Variants in RAB37 observed in about 807,000 individuals in gnomAD.
RAB37 encodes RAB37, member RAS oncogene family.
A neutral mutation model predicts 33.1 loss-of-function variants in RAB37; 29 were observed. The observed-to-expected ratio is 0.88, with a 90% CI of 0.65 to 1.20. The LOEUF (loss-of-function observed/expected upper bound fraction) is 1.20. Among genes scored for constraint, RAB37 ranks in the 50% most tolerant of loss-of-function variants. The pLI, the probability that RAB37 is intolerant of heterozygous loss-of-function variation, is 0.00. For synonymous variants in RAB37, 128 were observed against 119.5 expected (o/e 1.07, Z -0.47); for missense variants, 299 against 301.1 (o/e 0.99, Z 0.05).
At chr17:74,680,775 G>A (rs2031938983) in intron 1 of RAB37, among the ~76,000 whole-genome samples, 1 of 152,172 alleles carries the variant, frequency 6.6e-6, no homozygotes, top group Admixed American at 6.5e-5. Flanking sequence ...ACCTGGTTAT[G>A]GGGAGGGAAA....
At position 74,745,211 on chromosome 17, in the gene RAB37, T is replaced by C; in HGVS notation, c.567-95T>C. On this transcript the variant is annotated intron_variant, in intron 8 of 8. Coordinates refer to ENST00000392613, the MANE Select transcript of RAB37 (RefSeq NM_001006638.3). This position sits in a 1 kb window ranked among gnomAD's most constrained non-coding sequence, Gnocchi z 4.5. Reference sequence around the variant, plus strand: ...TCTGCAGGCTGAGGTCCATTTGCTCTGGGAGCACTGGGCCACTGGGAGAGG... The same window carrying C: ...TCTGCAGGCTGAGGTCCATTTGCTCCGGGAGCACTGGGCCACTGGGAGAGG... 2 of 1,525,842 alleles carry C rather than the reference T, an allele frequency of 1.3e-6. No individual in the cohort carries two copies. Among genetic ancestry groups the C allele is most frequent in the South Asian group, 2.2e-5 (2 of 89,252 alleles). The allele number at this position is 1,525,842 out of a possible 1,614,324, so 94.5% of individuals were successfully genotyped here. A position where few individuals can be genotyped will look rare whatever the true frequency, so the allele number is the denominator to read the frequency against.
intron 1 of RAB37, chr17:74,713,103 A>G (rs1303122885): frequency 4.0e-6 from 2 of 501,262 alleles, no homozygotes; most frequent in East Asian, 3.8e-5. Context: ...TCAGGAGTTC[A>G]AGATCAGCCT....
upstream of RAB37, among the ~76,000 whole-genome samples, chr17:74,734,749 A>C (rs2034440199): frequency 6.6e-6 from 1 of 151,868 alleles, no homozygotes; most frequent in African/African-American, 2.4e-5. Context: ...AGGCTGAGGC[A>C]GGAGGAGAAT....
chr17:74,732,073 G>A (rs978151662), intron 2 of RAB37, among the ~76,000 whole-genome samples: 9 of 151,394 alleles, frequency 5.9e-5, no homozygotes, highest in South Asian at 2.1e-4. Context: ...GAACATTCAC[G>A]GTTCACTATT....
rs1008836556 is a variant in RAB37 at position 74,729,176 on chromosome 17, C to T, written c.73-80C>T. 2 of 935,854 alleles carry T rather than the reference C, an allele frequency of 2.1e-6. No homozygotes were observed. Among genetic ancestry groups the T allele is most frequent in the East Asian group, 2.4e-5 (1 of 41,442 alleles). The allele number at this position is 935,854 out of a possible 1,614,324, so 58.0% of individuals were successfully genotyped here. On this transcript the variant is annotated intron_variant, in intron 1 of 7. Transcript: ENST00000340415. The surrounding 1 kb of genome is among the most constrained non-coding windows in gnomAD (Gnocchi z 4.2). The stretch of plus-strand genomic sequence containing the variant: ...TGCACATGCGTGCTTAGAAAGAATC[C>T]ACTCCCACAGCCACAAGGACACCTC...
At chr17:74,705,285 G>C in intron 1 of RAB37, 1 of 699,222 alleles carries the variant, frequency 1.4e-6, no homozygotes, top group Non-Finnish European at 2.6e-6. Flanking sequence ...TGTCCTGGTG[G>C]TCCTAATGAT....
chr17:74,737,365 G>A lies in RAB37; in HGVS notation c.93G>A (p.Lys31=). The change falls in exon 1 of 9, where the codon AAG becomes AAA. Residue 31 remains lysine (K), a splice_region_variant and synonymous_variant. Coordinates refer to ENST00000392613, the MANE Select transcript of RAB37 (RefSeq NM_001006638.3). ...PCSPSYDLTG[K]VMLLGDTGVG... ...GTCCGAGCTACGACCTCACGGGCAA[G>A]GTGGGTGGGCCTCTTCCGTGAGACC... The A allele has an allele frequency of 1.3e-6, 2 of 1,566,290 alleles. No individual in the cohort carries two copies. The highest frequency in any genetic ancestry group is 1.7e-6 in the Non-Finnish European group (2 of 1,163,080).
In RAB37 at chr17:74,745,098, A is replaced by G. The variant is rs762498354; in HGVS notation, c.566+14A>G. 3.1e-6 allele frequency: 5 copies of G among 1,613,662 alleles called. No individual in the cohort carries two copies. The East Asian group carries it at 1.1e-4, about 36-fold the overall frequency. On this transcript the variant is annotated intron_variant, in intron 8 of 8. Coordinates refer to ENST00000392613, the MANE Select transcript of RAB37 (RefSeq NM_001006638.3). This position sits in a 1 kb window ranked among gnomAD's most constrained non-coding sequence, Gnocchi z 4.5. The stretch of plus-strand genomic sequence containing the variant: ...GGCCATCGCCAAGTGAGAGCTGGGC[A>G]GGGAAGGGAAGTGTGCGGGGCAGGG...
intron 2 of RAB37, among the ~76,000 whole-genome samples, chr17:74,731,409 G>A (rs973936843): frequency 6.6e-6 from 1 of 152,188 alleles, no homozygotes; most frequent in African/African-American, 2.4e-5. Flanking sequence ...AGGTGAGCAG[G>A]GTGACTACCT....
Position 74,745,193 on chromosome 17 carries a change from G to A in RAB37, c.566+109G>A. ...CCCTGGACACACCTGCATTCTGCAG[G>A]CTGAGGTCCATTTGCTCTGGGAGCA... is the stretch of plus-strand genomic sequence containing the variant. On this transcript the variant is annotated intron_variant, in intron 8 of 8. Coordinates refer to ENST00000392613, the MANE Select transcript of RAB37 (RefSeq NM_001006638.3). This position sits in a 1 kb window ranked among gnomAD's most constrained non-coding sequence, Gnocchi z 4.5. The A allele has an allele frequency of 6.5e-7, 1 of 1,537,382 alleles. No individual in the cohort carries two copies. The highest frequency in any genetic ancestry group is 1.7e-5 in the Admixed American group (1 of 59,330).
intron 1 of RAB37, among the ~76,000 whole-genome samples, chr17:74,673,404 T>C (rs1387127222): frequency 1.5e-5 from 1 of 66,960 alleles, no homozygotes; most frequent in Non-Finnish European, 3.7e-5. Flanking sequence ...CAAGACCTTG[T>C]CTCAAAAAAA....
At chr17:74,705,197 G>T (rs1430281716) in intron 1 of RAB37, 1 of 701,666 alleles carries the variant, frequency 1.4e-6, no homozygotes, top group East Asian at 2.7e-5. Flanking sequence ...TTTCCACAGG[G>T]TCTTACCTTG....
At chr17:74,737,192 G>A, upstream of RAB37, 1 of 1,525,168 alleles carries the variant, frequency 6.6e-7, no homozygotes, top group South Asian at 1.2e-5. Flanking sequence ...GGGAGGGGAG[G>A]AGTGGGCGGG....
chr17:74,690,752 C>T (rs1036127841), intron 1 of RAB37, among the ~76,000 whole-genome samples: 3 of 152,192 alleles, frequency 2.0e-5, no homozygotes, highest in East Asian at 1.9e-4. Flanking sequence ...CTATCAGGAC[C>T]ACAAGGCAGA....
intron 1 of RAB37, among the ~76,000 whole-genome samples, chr17:74,725,396 A>G (rs571992725): frequency 6.6e-6 from 1 of 152,314 alleles, no homozygotes; most frequent in African/African-American, 2.4e-5. Flanking sequence ...CCACAGACCT[A>G]GGGATGCCAC....
intron 1 of RAB37, among the ~76,000 whole-genome samples, chr17:74,693,222 T>A (rs1200590622): frequency 6.6e-6 from 1 of 152,176 alleles, no homozygotes; most frequent in East Asian, 1.9e-4. Flanking sequence ...AAGAGCATTC[T>A]GGAAAGGAGG....
upstream of RAB37, among the ~76,000 whole-genome samples, chr17:74,735,132 AAGAG>A (rs1215005068): frequency 2.0e-4 from 29 of 147,912 alleles, no homozygotes; most frequent in African/African-American, 5.5e-4. Context: ...AGAAAGAAAG[AAGAG>A]AGAGAGAGAG....
At chr17:74,690,999 G>T (rs1273222344) in intron 1 of RAB37, among the ~76,000 whole-genome samples, 1 of 152,148 alleles carries the variant, frequency 6.6e-6, no homozygotes, top group Non-Finnish European at 1.5e-5. Flanking sequence ...GCTCACTGCT[G>T]CCTAGAACTC....
rs555530312 is a variant in RAB37, at chr17:74,703,465, C to A, written c.73-25791C>A. ...ATGACAGTGCCTTGGTCAATCTCCA[C>A]CCCCAGCCCTATTTATCCAGCAAAA... On this transcript the variant is annotated intron_variant, in intron 1 of 7. Transcript: ENST00000340415. Among the ~76,000 whole-genome samples, 295 of 152,266 alleles carry A rather than the reference C, an allele frequency of 1.9e-3. 3 individuals carry two copies. The highest frequency in any genetic ancestry group is 4.3e-4 in the Non-Finnish European group (29 of 68,020).
Sources: gnomAD v4.1 joint callset for allele counts (sites outside exome capture counted in the v4.1 genomes callset) on GRCh38, gnomAD v4.1.1 for gene constraint, Gnocchi (gnomAD v3.1) non-coding constraint, MANE v1.5 for transcripts, NCBI Gene and HGNC (gene_info 2026-07-23, HGNC 2026-07-21) for gene names.